ADAD2: variants seen among roughly 807,000 people sequenced by gnomAD.
ADAD2 encodes the protein adenosine deaminase domain-containing protein 2.
ADAD2 carries 60 observed loss-of-function variants against 54.5 expected under a neutral mutation model. The observed-to-expected ratio is 1.10, with a 90% CI of 0.89 to 1.36. ADAD2 has a LOEUF of 1.36. Ranked by LOEUF, ADAD2 falls within the 40% of genes most tolerant of loss-of-function variation. The pLI is 0.00. For synonymous variants in ADAD2, 543 were observed against 366.2 expected (o/e 1.48, Z -5.51); for missense variants, 1,103 against 801.3 (o/e 1.38, Z -4.54).
chr16:84,195,523 C>A lies in ADAD2; in HGVS notation c.885-7C>A. 1 of 1,599,150 alleles carries A rather than the reference C, an allele frequency of 6.3e-7. No individual in the cohort carries two copies. Among genetic ancestry groups the A allele is most frequent in the Non-Finnish European group, 8.5e-7 (1 of 1,171,772 alleles). ...CTTCCCAACCACCCTGTGCCTGTCGCTCCTAGGTTCTTGTTCCGGCAGCTC... is the reference window on the plus strand; with the variant it reads ...CTTCCCAACCACCCTGTGCCTGTCGATCCTAGGTTCTTGTTCCGGCAGCTC... On this transcript the variant is annotated splice_region_variant and splice_polypyrimidine_tract_variant and intron_variant, in intron 5 of 9. Transcript: ENST00000315906.
Position 84,194,917 on chromosome 16 carries a change from T to C in ADAD2, c.560-16T>C, listed in dbSNP as rs1032489614. On this transcript the variant is annotated splice_polypyrimidine_tract_variant and intron_variant, in intron 2 of 9. Coordinates refer to ENST00000315906, the MANE Select transcript of ADAD2 (RefSeq NM_001145400.2). ...CCTTGGCACCCACACCAGCCCGCCC[T>C]CCTTGCCTCTTTCAGAGTCCCCCCA... 7 of 1,598,258 alleles carry C rather than the reference T, an allele frequency of 4.4e-6. No individual in the cohort carries two copies. The African/African-American group carries it at 5.4e-5, about 12-fold the overall frequency.
At position 84,195,185 on chromosome 16, in the gene ADAD2, C is replaced by T. The variant is rs774460780; in HGVS notation, c.724C>T (p.Leu242=). 1.2e-6 allele frequency: 2 copies of T among 1,612,936 alleles called. No individual in the cohort carries two copies. Among genetic ancestry groups the T allele is most frequent in the South Asian group, 1.1e-5 (1 of 91,034 alleles). ...ACKGTVAGVI[L]EREIPRARGH... is the part of the protein sequence containing the mutation. ...TAAGGGGACTGTGGCTGGAGTCATC[C>T]TGGAGAGGGGTAGGGATCGCCCCAG... The change falls in exon 4 of 10, where the codon CTG becomes TTG. Residue 242 remains leucine (L), a synonymous_variant. Transcript: ENST00000315906.
Position 84,195,454 on chromosome 16 carries a change from G to A in ADAD2, c.884+8G>A, listed in dbSNP as rs2089715249. 4 of 1,607,742 alleles carry A rather than the reference G, an allele frequency of 2.5e-6. No homozygotes were observed. Among genetic ancestry groups the A allele is most frequent in the Non-Finnish European group, 2.5e-6 (3 of 1,177,652 alleles). Reference sequence around the variant, plus strand: ...CCGCAGGGCCCTGCTGAGGTGAGGGGCAGTGGGGTGGGCGCCTGATAGCAG... The same window carrying A: ...CCGCAGGGCCCTGCTGAGGTGAGGGACAGTGGGGTGGGCGCCTGATAGCAG... On this transcript the variant is annotated splice_region_variant and intron_variant, in intron 5 of 9. Coordinates refer to ENST00000315906, the MANE Select transcript of ADAD2 (RefSeq NM_001145400.2).
At chr16:84,194,639 T>C (rs1232027058) in intron 2 of ADAD2, 57 bp downstream of exon 2, 1 of 1,562,360 alleles carries the variant, frequency 6.4e-7, no homozygotes, top group Admixed American at 1.9e-5. Flanking sequence ...GGACTGAGGC[T>C]GGCAGTCCCG....
chr16:84,191,180 G>A lies in ADAD2; in HGVS notation c.-51G>A. On this transcript the variant is annotated 5_prime_UTR_variant, in exon 1 of 10. Transcript: ENST00000315906. ...GCACCCGCCCTGCGCGTGTGAAAGGGCGAGAGCAGCGCGAGATAGGGCCTA... is the reference window on the plus strand; with the variant it reads ...GCACCCGCCCTGCGCGTGTGAAAGGACGAGAGCAGCGCGAGATAGGGCCTA... 2 of 1,574,106 alleles carry A rather than the reference G, an allele frequency of 1.3e-6. No homozygotes were observed. Among genetic ancestry groups the A allele is most frequent in the Non-Finnish European group, 1.7e-6 (2 of 1,156,916 alleles).
In ADAD2 at chr16:84,196,361, T is replaced by C; in HGVS notation, c.1517T>C (p.Val506Ala). The C allele has an allele frequency of 1.9e-6, 3 of 1,611,626 alleles. No individual in the cohort carries two copies. Among genetic ancestry groups the C allele is most frequent in the Non-Finnish European group, 2.5e-6 (3 of 1,179,380 alleles). ...IEVVDVATGR[V>A]KANAALGPPS... ...GTTGTGGATGTGGCCACCGGGCGTG[T>C]GAAGGCCAAGTGAGAAGGGCCCCCT... Residue 506 changes from valine (V) to alanine (A), a missense_variant, in exon 8 of 10, where the codon GTG (valine) becomes GCG (alanine). Val to Ala is a moderately conservative substitution (Grantham distance 64). Coordinates refer to ENST00000315906, the MANE Select transcript of ADAD2 (RefSeq NM_001145400.2).
chr16:84,193,528 T>C (rs556974394), intron 1 of ADAD2: 1 of 155,842 alleles, frequency 6.4e-6, no homozygotes, highest in African/African-American at 2.4e-5. Context: ...CTTTGTCCCC[T>C]GGCGATGCGA....
chr16:84,196,095 A>G (rs774506145), intron 7 of ADAD2, 32 bp from the exon 8 acceptor site: 2 of 1,599,302 alleles, frequency 1.3e-6, no homozygotes, highest in South Asian at 1.1e-5. Context: ...CAGGGAGGTC[A>G]CTCACCTTGT....
chr16:84,195,641 C>G lies in ADAD2; in HGVS notation c.996C>G (p.Arg332=), dbSNP rs761429242. Reference sequence around the variant, plus strand: ...GACCCCCATTCACCCTCAAGCCCCGCGTCTTCCTGCACCTCTACATCAGCA... The same window carrying G: ...GACCCCCATTCACCCTCAAGCCCCGGGTCTTCCTGCACCTCTACATCAGCA... ...GPGPPFTLKP[R]VFLHLYISNT... The change falls in exon 6 of 10, where the codon CGC becomes CGG. Residue 332 remains arginine (R), a synonymous_variant. Transcript: ENST00000315906. 2 of 1,601,676 alleles carry G rather than the reference C, an allele frequency of 1.2e-6. No homozygotes were observed. Among genetic ancestry groups the G allele is most frequent in the Non-Finnish European group, 1.7e-6 (2 of 1,174,494 alleles).
chr16:84,194,436 C>A lies in ADAD2; in HGVS notation c.419-6C>A. The stretch of plus-strand genomic sequence containing the variant: ...GGGCTGCTTCCTCACCTGGCTCCTT[C>A]CCCAGGTCCCTGCTTCCCCTTCTCG... On this transcript the variant is annotated splice_polypyrimidine_tract_variant and splice_region_variant and intron_variant, in intron 1 of 9. Transcript: ENST00000315906. The A allele has an allele frequency of 6.2e-7, 1 of 1,601,730 alleles. No homozygotes were observed. Among genetic ancestry groups the A allele is most frequent in the Non-Finnish European group, 8.5e-7 (1 of 1,178,350 alleles).
Position 84,191,266 on chromosome 16 carries a change from C to T in ADAD2, c.36C>T (p.Gly12=), listed in dbSNP as rs143424699. The T allele has an allele frequency of 1.2e-3, 1,923 of 1,603,558 alleles. 2 individuals are homozygous for T. The highest frequency in any genetic ancestry group is 1.6e-3 in the Non-Finnish European group (1,851 of 1,176,420). The part of the protein sequence containing the change: ...ASASQGADDD[G]SRRKPRLAAS... ...CTTCTCAGGGCGCTGACGACGACGG[C>T]AGTCGTAGGAAGCCCCGCCTGGCTG... The change falls in exon 1 of 10, where the codon GGC becomes GGT. Residue 12 remains glycine (G), a synonymous_variant. Transcript: ENST00000315906.
In ADAD2 at chr16:84,196,888, G is replaced by A. The variant is rs1164876631; in HGVS notation, c.1666G>A (p.Ala556Thr). The change falls in exon 10 of 10, where the codon GCT (alanine) becomes ACT (threonine). Residue 556 changes from alanine (A) to threonine (T), a missense_variant. By Grantham distance (58) the Ala-to-Thr change is moderately conservative. Transcript: ENST00000315906. ...GCCCTAGGCTGGGCCCTACCAGGAG[G>A]CTCGCAGGCAGCTGTCTCTCCTCCT... The part of the protein sequence containing the change: ...EAAKAGPYQE[A>T]RRQLSLLLDQ... The A allele has an allele frequency of 5.6e-6, 9 of 1,593,614 alleles. No individual in the cohort carries two copies. The highest frequency in any genetic ancestry group is 7.7e-6 in the Non-Finnish European group (9 of 1,170,610).
chr16:84,196,808 C>T (rs1285014648), intron 9 of ADAD2, 41 bp downstream of exon 9: 2 of 1,599,500 alleles, frequency 1.3e-6, no homozygotes, highest in Non-Finnish European at 1.7e-6. Flanking sequence ...CCCTCTCCAG[C>T]CCTGCAGTCC....
rs768977649 is a variant in ADAD2, at chr16:84,191,378, G to C, written c.148G>C (p.Ala50Pro). The change falls in exon 1 of 10, where the codon GCG becomes CCG. Residue 50 changes from alanine (A) to proline (P), a missense_variant. Physicochemically the swap from Ala to Pro is conservative, Grantham distance 27. Coordinates refer to ENST00000315906, the MANE Select transcript of ADAD2 (RefSeq NM_001145400.2). ...TGCCTGGGGGCCCGCGCCCGCGCCC[G>C]CGACGTATCGCGCGGAGGGCGGGTG... ...QSAWGPAPAP[A>P]TYRAEGGWPQ... The C allele has an allele frequency of 1.9e-5, 29 of 1,515,836 alleles. No homozygotes were observed. The highest frequency in any genetic ancestry group is 2.5e-5 in the Non-Finnish European group (28 of 1,137,148). 93.9% of individuals were successfully genotyped at this position (1,515,836 alleles called of 1,614,324 possible). A position where few individuals can be genotyped will look rare whatever the true frequency, so the allele number is the denominator to read the frequency against.
chr16:84,196,482 TTCGCTC>T, intron 8 of ADAD2, 112 bp downstream of exon 8: 5 of 607,316 alleles, frequency 8.2e-6, no homozygotes, highest in Non-Finnish European at 1.1e-5. Flanking sequence ...GCTCAACCCC[TTCGCTC>T]AACCCCTTCC....
In ADAD2 at chr16:84,195,307, G is replaced by A; in HGVS notation, c.745G>A (p.Ala249Thr). 6.2e-7 allele frequency: 1 copy of A among 1,611,410 alleles called. No homozygotes were observed. The highest frequency in any genetic ancestry group is 8.5e-7 in the Non-Finnish European group (1 of 1,179,822). ...CCCCTCCTGCACAGAGATCCCGCGT[G>A]CCAGGGGCCACGTGAAGGAGATCTA... ...GVILEREIPR[A>T]RGHVKEIYKL... Residue 249 changes from alanine to threonine, a missense_variant, in exon 5 of 10, where the codon GCC (alanine) becomes ACC (threonine). By Grantham distance (58) the Ala-to-Thr change is moderately conservative. Coordinates refer to ENST00000315906, the MANE Select transcript of ADAD2 (RefSeq NM_001145400.2).
rs1272191595 is a variant in ADAD2 at position 84,191,511 on chromosome 16, C to T, written c.281C>T (p.Ala94Val). 5.2e-6 allele frequency: 8 copies of T among 1,544,404 alleles called. No homozygotes were observed. Among genetic ancestry groups the T allele is most frequent in the African/African-American group, 1.4e-5 (1 of 73,102 alleles). Residue 94 changes from alanine (A) to valine (V), a missense_variant, in exon 1 of 10, where the codon GCC becomes GTC. By Grantham distance (64) the Ala-to-Val change is moderately conservative (BLOSUM62 0). Transcript: ENST00000315906. The stretch of plus-strand genomic sequence containing the variant: ...AACTTGGGGGAACAGATGGGGAAGG[C>T]CCCGAGGGTCCCTGTGCCCCCAGCA... The part of the protein sequence containing the change: ...WENLGEQMGK[A>V]PRVPVPPAGL...
chr16:84,191,611 G>C lies in ADAD2; in HGVS notation c.381G>C (p.Leu127=). 6.4e-7 allele frequency: 1 copy of C among 1,553,952 alleles called. No homozygotes were observed. Among genetic ancestry groups the C allele is most frequent in the Non-Finnish European group, 8.7e-7 (1 of 1,149,012 alleles). ...TGCTCACGGAGTACGCGGCCAGCCT[G>C]GGCATCTTCCTGCTCTTCCGGGAGG... ...VSLLTEYAAS[L]GIFLLFREDQ... is the part of the protein sequence containing the mutation. Residue 127 remains leucine, a synonymous_variant, in exon 1 of 10, where the codon CTG becomes CTC. Transcript: ENST00000315906.
chr16:84,191,932 T>A (rs921332304), intron 1 of ADAD2: 5 of 559,284 alleles, frequency 8.9e-6, no homozygotes, highest in African/African-American at 1.9e-5. Flanking sequence ...CCCCCTGGTA[T>A]TTCTGTATAC....
Sources: allele counts gnomAD v4.1 joint callset, GRCh38; gene constraint gnomAD v4.1.1; transcripts MANE v1.5; gene names NCBI Gene and HGNC (gene_info 2026-07-23, HGNC 2026-07-21).